GRID1: variants seen among roughly 807,000 people sequenced by gnomAD.
GRID1 encodes glutamate receptor ionotropic, delta-1.
GRID1 carries 28 observed loss-of-function variants against 98.0 expected under a neutral mutation model. The observed-to-expected ratio is 0.29, with a 90% CI of 0.21 to 0.39. GRID1 has a LOEUF of 0.39. Among genes scored for constraint, GRID1 ranks in the 10% least tolerant of loss-of-function variants. The pLI, the probability that GRID1 is intolerant of heterozygous loss-of-function variation, is 1.00. For synonymous variants in GRID1, 553 were observed against 538.5 expected, an observed-to-expected ratio of 1.03 and a Z score of -0.37; for missense variants, 1,111 against 1,340.5, an observed-to-expected ratio of 0.83 and a Z score of 2.67.
At chr10:85,723,751 G>A (rs1841729704) in intron 11 of GRID1, among the ~76,000 whole-genome samples, 1 of 152,176 alleles carries the variant, frequency 6.6e-6, no homozygotes, top group Admixed American at 6.5e-5. Flanking sequence ...TCTCTAAAGT[G>A]TTAGGAGAAG....
rs554321938 is a variant in GRID1, at chr10:85,818,344, GGATA to G, written c.1233+36148_1233+36151del. 5.7e-3 allele frequency among the ~76,000 whole-genome samples: 872 copies of G among 152,018 alleles called. 22 individuals are homozygous for G. Among genetic ancestry groups the G allele is most frequent in the East Asian group, 0.014 (70 of 5,180 alleles). On this transcript the variant is annotated intron_variant, in intron 8 of 15. Coordinates refer to ENST00000327946, the MANE Select transcript of GRID1 (RefSeq NM_017551.3). The stretch of plus-strand genomic sequence containing the variant: ...TACACACACACATGGATGGATGAAT[GGATA>G]GATAGACAGACAGACAGAAATAGAG...
At chr10:86,025,327 C>T (rs1366911409) in intron 4 of GRID1, among the ~76,000 whole-genome samples, 2 of 152,158 alleles carry the variant, frequency 1.3e-5, no homozygotes, top group African/African-American at 2.4e-5. Context: ...GAAGCATTGT[C>T]CTGCTATCAA....
At chr10:86,246,266 C>G (rs532277391) in intron 2 of GRID1, among the ~76,000 whole-genome samples, 1 of 152,370 alleles carries the variant, frequency 6.6e-6, no homozygotes, top group East Asian at 1.9e-4. Context: ...CCACTAACCA[C>G]AGCCAGGCAG....
At chr10:85,799,283 C>A (rs1842553719) in intron 8 of GRID1, among the ~76,000 whole-genome samples, 1 of 152,066 alleles carries the variant, frequency 6.6e-6, no homozygotes, top group African/African-American at 2.4e-5. Flanking sequence ...GTAATGCCTC[C>A]AGCTTTGTTC....
chr10:86,256,332 G>T (rs556508068), intron 2 of GRID1, among the ~76,000 whole-genome samples: 2 of 152,292 alleles, frequency 1.3e-5, no homozygotes, highest in East Asian at 3.9e-4. Context: ...GGGTGCTGTG[G>T]TTCACACCTG....
At chr10:85,646,836 C>A (rs1375562310) in intron 13 of GRID1, 6 of 274,996 alleles carry the variant, frequency 2.2e-5, no homozygotes, top group Middle Eastern at 1.3e-3. Context: ...CTCCCCAACA[C>A]CCTCCCTTCA....
In GRID1 at chr10:86,097,423, C is replaced by T. The variant is rs143581865; in HGVS notation, c.726+41396G>A. On this transcript the variant is annotated intron_variant, in intron 4 of 15. Coordinates refer to ENST00000327946, the MANE Select transcript of GRID1 (RefSeq NM_017551.3). ...GTGCTGGGGAGACTGGTAAAAGGAA[C>T]ACTTTTATCCCCTCTCATCTATCTA... Among the ~76,000 whole-genome samples the T allele has an allele frequency of 1.5e-3, 229 of 152,306 alleles. 4 individuals are homozygous for T. The highest frequency in any genetic ancestry group is 1.3e-4 in the Non-Finnish European group (9 of 68,016).
chr10:86,204,927 T>A (rs1330676995), intron 3 of GRID1, among the ~76,000 whole-genome samples: 2 of 141,958 alleles, frequency 1.4e-5, no homozygotes, highest in African/African-American at 5.2e-5. Context: ...AAGAGATCCC[T>A]GCAGGCAGCT....
intron 5 of GRID1, among the ~76,000 whole-genome samples, chr10:85,897,016 G>T (rs915182480): frequency 6.6e-6 from 1 of 152,158 alleles, no homozygotes; most frequent in African/African-American, 2.4e-5. Context: ...ATGATAAATT[G>T]TTAATGATAC....
chr10:85,664,321 A>C (rs1022455660), intron 12 of GRID1, among the ~76,000 whole-genome samples: 1 of 152,154 alleles, frequency 6.6e-6, no homozygotes, highest in Non-Finnish European at 1.5e-5. Flanking sequence ...GAACCCAGGC[A>C]TATGAGATAG....
At chr10:85,715,730 T>C (rs549430862) in intron 12 of GRID1, among the ~76,000 whole-genome samples, 70 of 152,282 alleles carry the variant, frequency 4.6e-4, no homozygotes, top group Middle Eastern at 3.4e-3. Context: ...GATGAGAATA[T>C]GGAAAACAGT....
intron 5 of GRID1, among the ~76,000 whole-genome samples, chr10:85,877,435 T>G (rs560673675): frequency 2.1e-4 from 32 of 152,154 alleles, no homozygotes; most frequent in Non-Finnish European, 4.3e-4. Flanking sequence ...CAGCAGCATT[T>G]GCGGGTCACC....
At chr10:86,239,197 T>G (rs1203885200) in intron 2 of GRID1, among the ~76,000 whole-genome samples, 1 of 152,240 alleles carries the variant, frequency 6.6e-6, no homozygotes, top group South Asian at 2.1e-4. Flanking sequence ...GGAGATTATT[T>G]TGAAGCTTTA....
At chr10:86,349,074 A>G (rs1369158535) in intron 2 of GRID1, among the ~76,000 whole-genome samples, 1 of 152,140 alleles carries the variant, frequency 6.6e-6, no homozygotes, top group African/African-American at 2.4e-5. Context: ...GTGCGGAGGG[A>G]GGCACTGGTG....
intron 2 of GRID1, among the ~76,000 whole-genome samples, chr10:86,245,126 C>G (rs1846702778): frequency 6.6e-6 from 1 of 152,240 alleles, no homozygotes; most frequent in Non-Finnish European, 1.5e-5. Context: ...GGTACAGAGC[C>G]TGGGGCTCCC....
intron 2 of GRID1, among the ~76,000 whole-genome samples, chr10:86,222,074 T>C (rs1051430168): frequency 6.6e-6 from 1 of 152,116 alleles, no homozygotes; most frequent in Non-Finnish European, 1.5e-5. Flanking sequence ...ACCCTGAAGC[T>C]GGCAGGACTA....
chr10:86,346,158 A>G (rs1237626284), intron 2 of GRID1, among the ~76,000 whole-genome samples: 1 of 152,158 alleles, frequency 6.6e-6, no homozygotes, highest in African/African-American at 2.4e-5. Context: ...GAGTGTCCAG[A>G]CACGCTGCTG....
chr10:85,823,495 CAT>C (rs1842791802), intron 8 of GRID1, among the ~76,000 whole-genome samples: 2 of 151,666 alleles, frequency 1.3e-5, no homozygotes, highest in African/African-American at 4.8e-5. Context: ...AAAACAGTAA[CAT>C]GTGGGTCATG....
rs971819168 is a variant in GRID1 at position 86,115,978 on chromosome 10, C to T, written c.726+22841G>A. 5.9e-4 allele frequency among the ~76,000 whole-genome samples: 90 copies of T among 152,252 alleles called. 1 individual carries two copies. The highest frequency in any genetic ancestry group is 2.0e-3 in the African/African-American group (82 of 41,546). On this transcript the variant is annotated intron_variant, in intron 4 of 15. Coordinates refer to ENST00000327946, the MANE Select transcript of GRID1 (RefSeq NM_017551.3). The stretch of plus-strand genomic sequence containing the variant: ...AATACCACCGTGTTACTATTGCATT[C>T]GGCACAGTCCCATGCTATGCAGGTT...
Sources: gnomAD v4.1 joint callset for allele counts (sites outside exome capture counted in the v4.1 genomes callset) on GRCh38, gnomAD v4.1.1 for gene constraint, MANE v1.5 for transcripts, NCBI Gene and HGNC (gene_info 2026-07-23, HGNC 2026-07-21) for gene names.